GMDS: variants seen among roughly 807,000 people sequenced by gnomAD.
GMDS encodes GDP-mannose 4,6 dehydratase.
In GMDS, 20 loss-of-function variants were observed where a neutral mutation model predicts 49.9. The observed-to-expected ratio is 0.40, with a 90% CI of 0.28 to 0.58. The LOEUF is 0.58. Ranked by LOEUF, GMDS falls within the 20% of genes least tolerant of loss-of-function variation. The pLI is 0.42. For synonymous variants in GMDS, 177 were observed against 178.6 expected, an observed-to-expected ratio of 0.99 and a Z score of 0.07; for missense variants, 362 against 481.4, an observed-to-expected ratio of 0.75 and a Z score of 2.32.
chr6:2,083,212 C>T (rs1275827354), intron 4 of GMDS, among the ~76,000 whole-genome samples: 1 of 152,162 alleles, frequency 6.6e-6, no homozygotes, highest in Non-Finnish European at 1.5e-5. Flanking sequence ...CACTTTAGCA[C>T]GATGTCGAGC....
At chr6:1,634,235 C>T (rs1487936589) in intron 9 of GMDS, among the ~76,000 whole-genome samples, 1 of 152,206 alleles carries the variant, frequency 6.6e-6, no homozygotes, top group Non-Finnish European at 1.5e-5. Context: ...GAGGCAGTAA[C>T]CTGGCCATCC....
chr6:2,051,352 T>C (rs1770385720), intron 4 of GMDS, among the ~76,000 whole-genome samples: 1 of 152,230 alleles, frequency 6.6e-6, no homozygotes, highest in South Asian at 2.1e-4. Context: ...AACATAGATA[T>C]GGCAGATTTT....
chr6:2,061,862 G>A (rs766716006), intron 4 of GMDS, among the ~76,000 whole-genome samples: 1 of 152,018 alleles, frequency 6.6e-6, no homozygotes, highest in East Asian at 1.9e-4. Context: ...GAAGAAATAT[G>A]TGTGTTGACA....
At chr6:2,197,987 C>T (rs1026187695) in intron 1 of GMDS, among the ~76,000 whole-genome samples, 1 of 152,158 alleles carries the variant, frequency 6.6e-6, no homozygotes, top group Non-Finnish European at 1.5e-5. Flanking sequence ...TATCATTTAC[C>T]ATCGGGGAGA....
chr6:2,019,181 G>C (rs1462473857), intron 4 of GMDS, among the ~76,000 whole-genome samples: 2 of 150,532 alleles, frequency 1.3e-5, no homozygotes, highest in Non-Finnish European at 3.0e-5. Context: ...TGAATTATCA[G>C]CTGAAATAAT....
intron 3 of GMDS, among the ~76,000 whole-genome samples, chr6:2,116,310 T>C (rs1013592074): frequency 6.6e-6 from 1 of 152,206 alleles, no homozygotes; most frequent in Non-Finnish European, 1.5e-5. Flanking sequence ...TTTTATCTAG[T>C]AATTTTCAAG....
At chr6:1,670,717 T>A (rs1270721896) in intron 9 of GMDS, among the ~76,000 whole-genome samples, 1 of 152,238 alleles carries the variant, frequency 6.6e-6, no homozygotes, top group African/African-American at 2.4e-5. Context: ...GAGAGAAAGA[T>A]AACCATCTCC....
intron 1 of GMDS, among the ~76,000 whole-genome samples, chr6:2,139,770 C>T (rs1776192631): frequency 6.6e-6 from 1 of 152,098 alleles, no homozygotes; most frequent in African/African-American, 2.4e-5. Context: ...AACAACAGCA[C>T]AGGGTTTCAT....
At chr6:1,683,269 G>T (rs1489197481) in intron 9 of GMDS, among the ~76,000 whole-genome samples, 2 of 152,070 alleles carry the variant, frequency 1.3e-5, no homozygotes, top group African/African-American at 4.8e-5. Context: ...GACTACAGGC[G>T]CCCGCCACCA....
intron 9 of GMDS, among the ~76,000 whole-genome samples, chr6:1,697,249 G>C (rs1765376309): frequency 1.3e-5 from 2 of 152,162 alleles, no homozygotes; most frequent in Non-Finnish European, 2.9e-5. Flanking sequence ...GTGTCCTGTG[G>C]AACCTGGGGC....
At chr6:2,063,532 A>G (rs918782521) in intron 4 of GMDS, among the ~76,000 whole-genome samples, 1 of 152,368 alleles carries the variant, frequency 6.6e-6, no homozygotes, top group Non-Finnish European at 1.5e-5. Flanking sequence ...GGTAAGTATA[A>G]TATTAACACC....
intron 7 of GMDS, among the ~76,000 whole-genome samples, chr6:1,783,455 T>C (rs1239332323): frequency 6.6e-6 from 1 of 152,170 alleles, no homozygotes; most frequent in Non-Finnish European, 1.5e-5. Context: ...GACCACTGTA[T>C]CCCTAATGCC....
intron 4 of GMDS, among the ~76,000 whole-genome samples, chr6:2,055,699 G>A (rs1435747828): frequency 3.9e-5 from 6 of 152,062 alleles, no homozygotes; most frequent in South Asian, 4.1e-4. Context: ...CTAACTCTGC[G>A]GATTAGGCAC....
At chr6:2,068,313 T>C (rs1283655323) in intron 4 of GMDS, among the ~76,000 whole-genome samples, 2,397 of 150,082 alleles carry the variant, frequency 0.016, 61 homozygotes, top group African/African-American at 0.053. Flanking sequence ...AATATCATAC[T>C]GAATGGGCAA....
At chr6:1,772,896 G>A (rs1442018342) in intron 7 of GMDS, among the ~76,000 whole-genome samples, 1 of 152,188 alleles carries the variant, frequency 6.6e-6, no homozygotes, top group Non-Finnish European at 1.5e-5. Flanking sequence ...TCATGCTTAA[G>A]CTGAAATGGA....
chr6:2,127,249 C>A (rs9501807), intron 1 of GMDS, among the ~76,000 whole-genome samples: 16,280 of 152,010 alleles, frequency 0.11, 2,873 homozygotes, highest in African/African-American at 0.37. Flanking sequence ...TGCAATAAGA[C>A]TAATAATTTG....
chr6:1,705,556 A>C (rs1017786802), intron 9 of GMDS, among the ~76,000 whole-genome samples: 6 of 152,260 alleles, frequency 3.9e-5, no homozygotes, highest in African/African-American at 1.2e-4. Flanking sequence ...GACAGACTAC[A>C]TAATTAGTCT....
intron 9 of GMDS, among the ~76,000 whole-genome samples, chr6:1,707,330 A>C (rs1016946683): frequency 6.6e-6 from 1 of 152,220 alleles, no homozygotes; most frequent in African/African-American, 2.4e-5. Context: ...AAAAATATCT[A>C]TCTGTTGATC....
intron 1 of GMDS, among the ~76,000 whole-genome samples, chr6:2,189,470 A>G (rs903693729): frequency 6.6e-5 from 10 of 152,202 alleles, no homozygotes; most frequent in Non-Finnish European, 1.2e-4. Flanking sequence ...GACCATCAGA[A>G]TCAGCTGGGG....
Sources: allele counts gnomAD v4.1 joint callset (sites outside exome capture counted in the v4.1 genomes callset), GRCh38; gene constraint gnomAD v4.1.1; transcripts MANE v1.5; gene names NCBI Gene and HGNC (gene_info 2026-07-23, HGNC 2026-07-21).